Variants in UMAD1 observed in about 807,000 individuals in gnomAD.
UMAD1 encodes the protein UBAP1-MVB12-associated (UMA)-domain containing protein 1.
In UMAD1, 8 loss-of-function variants were observed where a neutral mutation model predicts 6.1. That is an observed-to-expected ratio of 1.30 (90% CI 0.76 to 2.35). The LOEUF (loss-of-function observed/expected upper bound fraction) is 2.35, where lower values mean the gene tolerates loss of function less well. Among genes scored for constraint, UMAD1 ranks in the 30% most tolerant of loss-of-function variants. The probability of loss-of-function intolerance (pLI) is 0.00; values close to 1 mark genes in which losing one functional copy is unlikely to be tolerated. For missense variants in UMAD1, 130 were observed against 78.4 expected, an observed-to-expected ratio of 1.66 and a Z score of -2.49; for synonymous variants, 56 against 31.4, an observed-to-expected ratio of 1.78 and a Z score of -2.61.
intron 2 of UMAD1, among the ~76,000 whole-genome samples, chr7:7,757,537 A>G (rs561812562): frequency 1.3e-5 from 2 of 152,370 alleles, no homozygotes; most frequent in South Asian, 4.1e-4. Flanking sequence ...TAATCTAATT[A>G]AACATGCTTT....
intron 2 of UMAD1, among the ~76,000 whole-genome samples, chr7:7,765,987 A>G (rs996393392): frequency 2.6e-5 from 4 of 152,178 alleles, no homozygotes; most frequent in East Asian, 1.9e-4. Context: ...CCTCAGTTAC[A>G]TATCGTTGTA....
At chr7:7,741,695 C>G (rs1026080686) in intron 2 of UMAD1, among the ~76,000 whole-genome samples, 1 of 151,372 alleles carries the variant, frequency 6.6e-6, no homozygotes, top group Non-Finnish European at 1.5e-5. Flanking sequence ...GCTTATTGAA[C>G]CAACAATAAC....
At chr7:7,776,201 T>C (rs1278645278) in intron 2 of UMAD1, among the ~76,000 whole-genome samples, 2 of 152,180 alleles carry the variant, frequency 1.3e-5, no homozygotes, top group African/African-American at 4.8e-5. Flanking sequence ...TGGTATGCAC[T>C]TGTAGTTCCA....
chr7:7,699,556 G>C (rs1563134408), intron 2 of UMAD1, among the ~76,000 whole-genome samples: 3 of 152,176 alleles, frequency 2.0e-5, no homozygotes, highest in Non-Finnish European at 4.4e-5. Flanking sequence ...TGAATCCCTA[G>C]GGTGGTCCCT....
At chr7:7,642,008 T>C (rs1048316461) in intron 1 of UMAD1, among the ~76,000 whole-genome samples, 5 of 152,204 alleles carry the variant, frequency 3.3e-5, no homozygotes, top group Admixed American at 6.5e-5. Context: ...AAAAAAGTTG[T>C]GGTTGTATTG....
At chr7:7,744,439 G>C (rs2115210185) in intron 2 of UMAD1, among the ~76,000 whole-genome samples, 1 of 152,220 alleles carries the variant, frequency 6.6e-6, no homozygotes, top group South Asian at 2.1e-4. Flanking sequence ...GTATACCTAG[G>C]AGTAGAATTG....
intron 1 of UMAD1, among the ~76,000 whole-genome samples, chr7:7,652,284 C>T (rs1238645218): frequency 1.3e-5 from 2 of 152,126 alleles, no homozygotes; most frequent in African/African-American, 2.4e-5. Flanking sequence ...GTCGATTGTA[C>T]TTCTTGGTCA....
At chr7:7,754,348 G>C (rs2115223470) in intron 2 of UMAD1, among the ~76,000 whole-genome samples, 1 of 152,220 alleles carries the variant, frequency 6.6e-6, no homozygotes, top group East Asian at 1.9e-4. Context: ...GCATTTCTCT[G>C]GTGATCAGTG....
chr7:7,751,883 C>G (rs1008566183), intron 2 of UMAD1, among the ~76,000 whole-genome samples: 18 of 152,320 alleles, frequency 1.2e-4, no homozygotes, highest in African/African-American at 4.1e-4. Context: ...CTTTTCTACT[C>G]TGACGGTCCT....
At chr7:7,703,905 G>T (rs1217444176) in intron 2 of UMAD1, among the ~76,000 whole-genome samples, 3 of 152,098 alleles carry the variant, frequency 2.0e-5, no homozygotes, top group Non-Finnish European at 2.9e-5. Context: ...CTGTGTCACT[G>T]CAGTGAAGCC....
chr7:7,792,571 A>G (rs1194687910), intron 2 of UMAD1, among the ~76,000 whole-genome samples: 1 of 152,204 alleles, frequency 6.6e-6, no homozygotes, highest in Non-Finnish European at 1.5e-5. Context: ...TGTCATTTTC[A>G]ACAGACTTGG....
intron 2 of UMAD1, among the ~76,000 whole-genome samples, chr7:7,753,631 T>G (rs1190957344): frequency 6.8e-6 from 1 of 148,140 alleles, no homozygotes; most frequent in East Asian, 2.0e-4. Context: ...TGAATCATAC[T>G]CCATTGTGTA....
At chr7:7,695,150 C>A (rs968006318) in intron 2 of UMAD1, among the ~76,000 whole-genome samples, 3 of 152,166 alleles carry the variant, frequency 2.0e-5, no homozygotes, top group Non-Finnish European at 1.5e-5. Context: ...ATGTTGAGCA[C>A]CTTTTCATAT....
chr7:7,846,935 T>G (rs1213172692), intron 3 of UMAD1, among the ~76,000 whole-genome samples: 3 of 139,388 alleles, frequency 2.2e-5, no homozygotes, highest in East Asian at 2.1e-4. Context: ...AGGGATAGCA[T>G]TGGGAGATAT....
intron 2 of UMAD1, among the ~76,000 whole-genome samples, chr7:7,750,555 G>A (rs1358651218): frequency 2.6e-5 from 4 of 152,116 alleles, no homozygotes; most frequent in South Asian, 2.1e-4. Flanking sequence ...TATTATACAC[G>A]GTTTCATATT....
rs1418605668 is a variant in UMAD1, at chr7:7,830,660, T to C, written c.156+28917T>C. Among the ~76,000 whole-genome samples, 1 of 152,160 alleles carries C rather than the reference T, an allele frequency of 6.6e-6. No individual in the cohort carries two copies. The highest frequency in any genetic ancestry group is 1.5e-5 in the Non-Finnish European group (1 of 68,014). The stretch of plus-strand genomic sequence containing the variant: ...CATTTTCCTTGTCCCAGACTTTCTA[T>C]TTCAATGGTTTTCTTTATTCTAATG... On this transcript the variant is annotated intron_variant, in intron 3 of 3. Transcript: ENST00000682710. The surrounding 1 kb of genome is among the most constrained non-coding windows in gnomAD (Gnocchi z 5.3).
At chr7:7,868,774 T>G (rs1784283477) in intron 3 of UMAD1, among the ~76,000 whole-genome samples, 1 of 152,194 alleles carries the variant, frequency 6.6e-6, no homozygotes, top group Non-Finnish European at 1.5e-5. Flanking sequence ...CTTCTGTGAA[T>G]TCAGCTTCTC....
intron 2 of UMAD1, among the ~76,000 whole-genome samples, chr7:7,675,080 G>A (rs886871147): frequency 6.6e-6 from 1 of 151,990 alleles, no homozygotes; most frequent in Non-Finnish European, 1.5e-5. Context: ...GCCCAGGTTG[G>A]TCTTGAACTC....
At chr7:7,652,051 C>A (rs961634868) in intron 1 of UMAD1, among the ~76,000 whole-genome samples, 3 of 152,110 alleles carry the variant, frequency 2.0e-5, no homozygotes, top group Non-Finnish European at 4.4e-5. Flanking sequence ...GAAATCTAGT[C>A]CTGTAAGACT....
Sources: gnomAD v4.1 joint callset for allele counts (sites outside exome capture counted in the v4.1 genomes callset) on GRCh38, gnomAD v4.1.1 for gene constraint, Gnocchi (gnomAD v3.1) non-coding constraint, MANE v1.5 for transcripts, NCBI Gene and HGNC (gene_info 2026-07-23, HGNC 2026-07-21) for gene names.